GRM5: variants seen among roughly 807,000 people sequenced by gnomAD.
GRM5 encodes metabotropic glutamate receptor 5.
Under a neutral mutation model 83.1 loss-of-function variants are expected in GRM5, and 19 were observed. That is an observed-to-expected ratio of 0.23 (90% CI 0.16 to 0.34). GRM5 has a LOEUF of 0.34. GRM5 is among the 10% of genes least tolerant of loss of function. The pLI is 1.00. For synonymous variants in GRM5, 675 were observed against 633.6 expected, an observed-to-expected ratio of 1.07 and a Z score of -0.98; for missense variants, 1,160 against 1,588.3, an observed-to-expected ratio of 0.73 and a Z score of 4.58.
chr11:88,769,381 C>A (rs1188794520), intron 3 of GRM5, among the ~76,000 whole-genome samples: 2 of 81,116 alleles, frequency 2.5e-5, no homozygotes, highest in Non-Finnish European at 6.3e-5. Context: ...TTTGTTTTGC[C>A]AACTGTTAAG....
At chr11:88,749,540 C>A (rs1158907727) in intron 3 of GRM5, among the ~76,000 whole-genome samples, 1 of 152,096 alleles carries the variant, frequency 6.6e-6, no homozygotes, top group East Asian at 1.9e-4. Flanking sequence ...TTCATGAGAA[C>A]TTCCCCAACC....
At chr11:89,023,612 G>A (rs1591056876) in intron 2 of GRM5, among the ~76,000 whole-genome samples, 1 of 152,038 alleles carries the variant, frequency 6.6e-6, no homozygotes, top group Admixed American at 6.6e-5. Flanking sequence ...TTGGGAGGCT[G>A]AGGCAGGTGG....
chr11:89,053,524 C>G (rs4438032), intron 1 of GRM5, among the ~76,000 whole-genome samples: 136,163 of 152,160 alleles, frequency 0.89, 60,981 homozygotes, highest in East Asian at 0.92. Context: ...AATGTTTATT[C>G]AGTAGCACAC....
At chr11:88,928,059 C>A (rs961165350) in intron 2 of GRM5, among the ~76,000 whole-genome samples, 1 of 151,978 alleles carries the variant, frequency 6.6e-6, no homozygotes, top group African/African-American at 2.4e-5. Context: ...CATGAGTAGA[C>A]CCTAAAAGGT....
At position 88,612,805 on chromosome 11, in the gene GRM5, A is replaced by G. The variant is rs370287752; in HGVS notation, c.1148-7841T>C. ...CTGTTCATGTCCTTCGCCCACTTTTAAAAATATGGAACGCTTCACAAATTT... is the reference window on the plus strand; with the variant it reads ...CTGTTCATGTCCTTCGCCCACTTTTGAAAATATGGAACGCTTCACAAATTT... On this transcript the variant is annotated intron_variant, in intron 4 of 9. Transcript: ENST00000305447. 2.6e-5 allele frequency: 4 copies of G among 152,228 alleles called. No homozygotes were observed. In the East Asian group the frequency reaches 5.8e-4, roughly 22 times the overall value. The allele number at this position is 152,228 out of a possible 1,614,324, so 9.4% of individuals were successfully genotyped here. A position where few individuals can be genotyped will look rare whatever the true frequency, so the allele number is the denominator to read the frequency against.
At chr11:89,058,531 C>A (rs1257958527) in intron 1 of GRM5, among the ~76,000 whole-genome samples, 1 of 152,140 alleles carries the variant, frequency 6.6e-6, no homozygotes, top group Admixed American at 6.6e-5. Context: ...TACCTAAGAG[C>A]CAATCATCTG....
intron 3 of GRM5, among the ~76,000 whole-genome samples, chr11:88,772,125 A>T (rs1942750410): frequency 6.6e-6 from 1 of 151,922 alleles, no homozygotes; most frequent in Non-Finnish European, 1.5e-5. Context: ...TACTTACTGT[A>T]TCTTGAAACT....
At chr11:88,930,445 T>C (rs1937665538) in intron 2 of GRM5, among the ~76,000 whole-genome samples, 1 of 152,050 alleles carries the variant, frequency 6.6e-6, no homozygotes, top group South Asian at 2.1e-4. Context: ...AAGTAAATTA[T>C]CTGATGCATT....
intron 4 of GRM5, among the ~76,000 whole-genome samples, chr11:88,608,349 T>C (rs1440324810): frequency 6.6e-6 from 1 of 152,032 alleles, no homozygotes; most frequent in East Asian, 1.9e-4. Flanking sequence ...GGATATCCTG[T>C]CTAAATTGCA....
At chr11:88,510,924 G>A (rs1591311634) in intron 9 of GRM5, among the ~76,000 whole-genome samples, 1 of 152,300 alleles carries the variant, frequency 6.6e-6, no homozygotes, top group East Asian at 1.9e-4. Context: ...CTGTTCTAGG[G>A]GCTGTGACCA....
chr11:88,959,199 T>C (rs771556532), intron 2 of GRM5, among the ~76,000 whole-genome samples: 15 of 152,092 alleles, frequency 9.9e-5, no homozygotes, highest in Non-Finnish European at 1.8e-4. Context: ...AAAATGTCAA[T>C]TGGAAGTGTA....
intron 3 of GRM5, among the ~76,000 whole-genome samples, chr11:88,724,694 C>T (rs1346936401): frequency 6.6e-6 from 1 of 152,108 alleles, no homozygotes; most frequent in African/African-American, 2.4e-5. Context: ...TCTGCATTTC[C>T]AGCTGAGGTA....
At chr11:88,875,563 C>T (rs937245114) in intron 2 of GRM5, among the ~76,000 whole-genome samples, 1 of 151,932 alleles carries the variant, frequency 6.6e-6, no homozygotes, top group Non-Finnish European at 1.5e-5. Context: ...ATGTTGAATC[C>T]TTTCCCAGAG....
chr11:88,796,004 A>C lies in GRM5; in HGVS notation c.911+53902T>G, dbSNP rs577795127. ...ATAGACTACAATGAATTACTCAGAG[A>C]AAATGGGTTCAACTAATTGGTTCAG... On this transcript the variant is annotated intron_variant, in intron 3 of 9. Coordinates refer to ENST00000305447, the MANE Select transcript of GRM5 (RefSeq NM_001143831.3). Among the ~76,000 whole-genome samples the C allele has an allele frequency of 2.6e-5, 4 of 152,320 alleles. No homozygotes were observed. The East Asian group carries it at 7.7e-4, about 29-fold the overall frequency.
chr11:88,647,186 T>C (rs952320426), intron 4 of GRM5, among the ~76,000 whole-genome samples: 25 of 152,168 alleles, frequency 1.6e-4, no homozygotes, highest in Middle Eastern at 3.4e-3. Context: ...CATACCGAAT[T>C]AGGGGCCTAC....
At chr11:88,779,059 A>G (rs1262170228) in intron 3 of GRM5, among the ~76,000 whole-genome samples, 1 of 152,206 alleles carries the variant, frequency 6.6e-6, no homozygotes, top group Non-Finnish European at 1.5e-5. Context: ...TCTCACAAAA[A>G]TCTTTTATAG....
At chr11:88,904,217 T>C (rs911415521) in intron 2 of GRM5, among the ~76,000 whole-genome samples, 3 of 152,228 alleles carry the variant, frequency 2.0e-5, no homozygotes, top group African/African-American at 7.2e-5. Flanking sequence ...TTGTGATTTA[T>C]GCATAATTGT....
chr11:88,690,219 C>G (rs1405386632), intron 3 of GRM5, among the ~76,000 whole-genome samples: 1 of 147,504 alleles, frequency 6.8e-6, no homozygotes, highest in African/African-American at 2.4e-5. Context: ...ATGATTAAAT[C>G]AACTTTTTTT....
chr11:88,806,480 A>C (rs1183284775), intron 3 of GRM5, among the ~76,000 whole-genome samples: 1 of 152,204 alleles, frequency 6.6e-6, no homozygotes, highest in African/African-American at 2.4e-5. Flanking sequence ...TTAACAAATG[A>C]GTTCGAATTC....
Sources: allele counts gnomAD v4.1 joint callset (sites outside exome capture counted in the v4.1 genomes callset), GRCh38; gene constraint gnomAD v4.1.1; transcripts MANE v1.5; gene names NCBI Gene and HGNC (gene_info 2026-07-23, HGNC 2026-07-21).